MARCHF7: variants seen among roughly 807,000 people sequenced by gnomAD.
MARCHF7 encodes the protein E3 ubiquitin-protein ligase MARCHF7.
A neutral mutation model predicts 76.5 loss-of-function variants in MARCHF7; 20 were observed. The observed-to-expected ratio is 0.26, with a 90% confidence interval of 0.18 to 0.38. The LOEUF (loss-of-function observed/expected upper bound fraction) is 0.38, where lower values mean the gene tolerates loss of function less well. MARCHF7 is among the 10% of genes least tolerant of loss of function. MARCHF7 has a pLI of 1.00. For synonymous variants in MARCHF7, 295 were observed against 293.0 expected, an observed-to-expected ratio of 1.01 and a Z score of -0.07; for missense variants, 797 against 812.9, an observed-to-expected ratio of 0.98 and a Z score of 0.24.
rs1463058522 is a variant in MARCHF7 at position 159,767,806 on chromosome 2, T to C, written c.*464T>C. On this transcript the variant is annotated 3_prime_UTR_variant, in exon 12 of 12. Transcript: ENST00000409175. ...TAAAATGCCTTAAGTTGCAGTCTCA[T>C]TTTGATAATCATTTGCTTCCAGTGT... 6.6e-6 allele frequency: 1 copy of C among 152,574 alleles called. No homozygotes were observed. Among genetic ancestry groups the C allele is most frequent in the African/African-American group, 2.4e-5 (1 of 41,446 alleles). The allele number at this position is 152,574 out of a possible 1,614,324, so 9.5% of individuals were successfully genotyped here. A position where few individuals can be genotyped will look rare whatever the true frequency, so the allele number is the denominator to read the frequency against.
At chr2:159,713,693 C>T (rs1700606109) in intron 1 of MARCHF7, among the ~76,000 whole-genome samples, 1 of 152,064 alleles carries the variant, frequency 6.6e-6, no homozygotes, top group Non-Finnish European at 1.5e-5. Flanking sequence ...GAAATGAGGT[C>T]AGTATAATAT....
intron 7 of MARCHF7, 64 bp downstream of exon 7, chr2:159,748,967 T>C: frequency 7.7e-7 from 1 of 1,301,070 alleles, no homozygotes; most frequent in Non-Finnish European, 9.9e-7. Context: ...TTCATTTCTT[T>C]TTTTTCTTTT....
chr2:159,742,226 G>A (rs550982109), intron 4 of MARCHF7, among the ~76,000 whole-genome samples: 152 of 152,066 alleles, frequency 1.0e-3, no homozygotes, highest in Non-Finnish European at 1.8e-3. Flanking sequence ...ATTCACTGAT[G>A]AAGAAATTTC....
chr2:159,728,130 A>G (rs1702382927), intron 3 of MARCHF7, among the ~76,000 whole-genome samples: 2 of 152,222 alleles, frequency 1.3e-5, no homozygotes, highest in African/African-American at 4.8e-5. Flanking sequence ...CTGTGTGATC[A>G]TGTGCAAATT....
chr2:159,755,527 A>G (rs1043353835), intron 8 of MARCHF7, among the ~76,000 whole-genome samples: 1 of 152,056 alleles, frequency 6.6e-6, no homozygotes, highest in Non-Finnish European at 1.5e-5. Flanking sequence ...GTTACAAGGG[A>G]CTGTGGGGAT....
intron 8 of MARCHF7, among the ~76,000 whole-genome samples, chr2:159,758,458 A>G (rs1706600337): frequency 6.6e-6 from 1 of 152,202 alleles, no homozygotes. Context: ...ATCATTCCAG[A>G]CAGAAACGCT....
intron 7 of MARCHF7, 21 bp downstream of exon 7, chr2:159,748,924 T>C (rs764170475): frequency 6.5e-7 from 1 of 1,533,576 alleles, no homozygotes; most frequent in Non-Finnish European, 8.7e-7. Context: ...ATACCTGTCT[T>C]AAGCCTATAA....
At position 159,745,819 on chromosome 2, in the gene MARCHF7, T is replaced by A. The variant is rs759005351; in HGVS notation, c.396T>A (p.Leu132=). Residue 132 remains leucine, a synonymous_variant, in exon 6 of 12, where the codon CTT becomes CTA. Transcript: ENST00000409175. ...TTCCTAGATCTTCATCAATGGTACT[T>A]GGATCATTTGGAACAGACTTAATGA... ...SQVPRSSSMV[L]GSFGTDLMRE... 9 of 1,612,858 alleles carry A rather than the reference T, an allele frequency of 5.6e-6. No homozygotes were observed. The South Asian group carries it at 9.9e-5, about 18-fold the overall frequency.
chr2:159,734,163 ATTTTG>A (rs1703168528), intron 4 of MARCHF7: 1 of 1,062,482 alleles, frequency 9.4e-7, no homozygotes, highest in Admixed American at 3.6e-5. Flanking sequence ...TGGATATGTA[ATTTTG>A]TTTTGGTGTA....
chr2:159,734,114 A>G, intron 4 of MARCHF7: 1 of 1,263,520 alleles, frequency 7.9e-7, no homozygotes. Context: ...TTAAAGGAAA[A>G]TTTAATTTCT....
At chr2:159,728,908 G>T in intron 3 of MARCHF7, 101 bp from the exon 4 acceptor site, 1 of 635,074 alleles carries the variant, frequency 1.6e-6, no homozygotes. Context: ...TGGTTAATTT[G>T]TATGGTTAAT....
chr2:159,734,161 T>G, intron 4 of MARCHF7: 1 of 1,064,286 alleles, frequency 9.4e-7, no homozygotes, highest in Non-Finnish European at 1.2e-6. Context: ...TGTGGATATG[T>G]AATTTTGTTT....
chr2:159,766,777 A>T (rs1213956337), intron 11 of MARCHF7, among the ~76,000 whole-genome samples: 1 of 152,192 alleles, frequency 6.6e-6, no homozygotes, highest in East Asian at 1.9e-4. Flanking sequence ...TTACTAAATG[A>T]ACTTTTATCT....
intron 6 of MARCHF7, 123 bp from the exon 7 acceptor site, chr2:159,747,682 G>A (rs953594713): frequency 1.2e-6 from 1 of 868,164 alleles, no homozygotes; most frequent in Non-Finnish European, 1.7e-6. Context: ...AGTAAACTCT[G>A]TAGTTACAAT....
At chr2:159,720,380 G>T (rs1574191005) in intron 3 of MARCHF7, among the ~76,000 whole-genome samples, 1 of 152,150 alleles carries the variant, frequency 6.6e-6, no homozygotes. Flanking sequence ...TTCCATTTTG[G>T]GTGTCTCATC....
intron 4 of MARCHF7, chr2:159,733,263 G>A (rs951000973): frequency 7.1e-6 from 6 of 844,132 alleles, no homozygotes; most frequent in African/African-American, 1.8e-5. Flanking sequence ...TTTTTGAGAC[G>A]GGTTCTCACA....
At chr2:159,745,958 G>A (rs1293666152) in intron 6 of MARCHF7, 21 bp downstream of exon 6, 1 of 1,588,482 alleles carries the variant, frequency 6.3e-7, no homozygotes, top group African/African-American at 1.4e-5. Context: ...ATTACATCAA[G>A]TATAACTTCT....
At chr2:159,761,911 G>C (rs915270992) in intron 9 of MARCHF7, among the ~76,000 whole-genome samples, 6 of 152,016 alleles carry the variant, frequency 3.9e-5, no homozygotes, top group African/African-American at 1.4e-4. Context: ...AAACAACTGT[G>C]GGGGGAAAAG....
chr2:159,737,450 A>G (rs1301745019), intron 4 of MARCHF7, among the ~76,000 whole-genome samples: 1 of 152,216 alleles, frequency 6.6e-6, no homozygotes, highest in Non-Finnish European at 1.5e-5. Context: ...AGTCAGAACT[A>G]CAGTGAGATA....
Sources: allele counts gnomAD v4.1 joint callset (sites outside exome capture counted in the v4.1 genomes callset), GRCh38; gene constraint gnomAD v4.1.1; transcripts MANE v1.5; gene names NCBI Gene and HGNC (gene_info 2026-07-23, HGNC 2026-07-21).